Variants in RSRC2 observed in about 807,000 individuals in gnomAD.
RSRC2 encodes arginine and serine rich coiled-coil 2.
RSRC2 carries 5 observed loss-of-function variants against 61.3 expected under a neutral mutation model. That is an observed-to-expected ratio of 0.08 (90% confidence interval 0.04 to 0.17). The LOEUF is 0.17. RSRC2 is among the 10% of genes least tolerant of loss of function. RSRC2 has a pLI of 1.00. For missense variants in RSRC2, 381 were observed against 518.8 expected, an observed-to-expected ratio of 0.73 and a Z score of 2.58; for synonymous variants, 202 against 166.5, an observed-to-expected ratio of 1.21 and a Z score of -1.64.
At chr12:122,526,735 G>A in intron 1 of RSRC2, 113 bp downstream of exon 1, 2 of 1,235,386 alleles carry the variant, frequency 1.6e-6, no homozygotes, top group South Asian at 1.2e-5. Flanking sequence ...AGAAGGCCGC[G>A]GCGCCATTTT....
chr12:122,524,930 A>G (rs77590869), intron 1 of RSRC2, among the ~76,000 whole-genome samples: 4,824 of 152,248 alleles, frequency 0.032, 269 homozygotes, highest in African/African-American at 0.11. Context: ...ATTTTGTTGC[A>G]AACTCTAATA....
chr12:122,506,997 T>C, intron 8 of RSRC2, 74 bp from the exon 9 acceptor site: 1 of 801,114 alleles, frequency 1.2e-6, no homozygotes, highest in South Asian at 1.5e-5. Context: ...CTCAACAATG[T>C]CTAAATTAAA....
At chr12:122,515,441 A>G (rs1565897124) in intron 5 of RSRC2, among the ~76,000 whole-genome samples, 1 of 152,174 alleles carries the variant, frequency 6.6e-6, no homozygotes, top group African/African-American at 2.4e-5. Context: ...GGGTCTCACC[A>G]TGTTGCCCAG....
At chr12:122,517,658 A>G (rs1211259647) in intron 4 of RSRC2, among the ~76,000 whole-genome samples, 1 of 152,190 alleles carries the variant, frequency 6.6e-6, no homozygotes, top group Non-Finnish European at 1.5e-5. Flanking sequence ...ACATGTCAAA[A>G]GCGTTCAATG....
intron 8 of RSRC2, among the ~76,000 whole-genome samples, chr12:122,507,701 T>C (rs535280048): frequency 2.7e-5 from 4 of 146,824 alleles, no homozygotes; most frequent in African/African-American, 1.0e-4. Context: ...TCACCCAGGC[T>C]GAAGTGCAGT....
At chr12:122,513,823 T>C in intron 6 of RSRC2, 1 of 985,318 alleles carries the variant, frequency 1.0e-6, no homozygotes, top group Non-Finnish European at 1.2e-6. Context: ...GGGAAGCACA[T>C]CAGGTTACAC....
intron 6 of RSRC2, chr12:122,514,575 G>GA (rs1958770323): frequency 1.0e-6 from 1 of 992,818 alleles, no homozygotes; most frequent in African/African-American, 2.4e-5. Flanking sequence ...CGAAACAGCA[G>GA]AAAATTAAAA....
Position 122,504,685 on chromosome 12 carries a change from A to C in RSRC2, c.*842T>G, listed in dbSNP as rs996730484. On this transcript the variant is annotated 3_prime_UTR_variant, in exon 10 of 10. Coordinates refer to ENST00000331738, the MANE Select transcript of RSRC2 (RefSeq NM_023012.6). ...TAATATTTTATAGTCTATGCTGGAG[A>C]AGACTTCAAAGGGATAATGAGCAAA... The C allele has an allele frequency of 1.3e-4, 20 of 152,620 alleles. No homozygotes were observed. Among genetic ancestry groups the C allele is most frequent in the African/African-American group, 4.6e-4 (19 of 41,444 alleles). 9.5% of individuals were successfully genotyped at this position (152,620 alleles called of 1,614,324 possible).
intron 1 of RSRC2, 49 bp from the exon 2 acceptor site, chr12:122,522,348 G>A: frequency 6.7e-7 from 1 of 1,492,662 alleles, no homozygotes; most frequent in Non-Finnish European, 9.0e-7. Flanking sequence ...CATTTTAAAT[G>A]TTTTCAATTT....
intron 6 of RSRC2, among the ~76,000 whole-genome samples, chr12:122,513,571 G>A (rs139979195): frequency 6.6e-6 from 1 of 151,936 alleles, no homozygotes. Context: ...AAGTAAATAA[G>A]AGCTTAAAAA....
chr12:122,524,808 T>C (rs1959819288), intron 1 of RSRC2, among the ~76,000 whole-genome samples: 1 of 152,242 alleles, frequency 6.6e-6, no homozygotes, highest in South Asian at 2.1e-4. Context: ...TGAAATTTTC[T>C]AAGCTTTAAT....
chr12:122,525,176 C>G (rs1203263891), intron 1 of RSRC2, among the ~76,000 whole-genome samples: 1 of 152,050 alleles, frequency 6.6e-6, no homozygotes, highest in African/African-American at 2.4e-5. Flanking sequence ...GAGTTCGAGA[C>G]CAGCCTGGCC....
rs950835845 is a variant in RSRC2, at chr12:122,504,649, T to C, written c.*878A>G. ...TCTCAAAAAAACAAACAAAAAAAAT[T>C]TCTAATATTTTAATATTTTATAGTC... is the stretch of plus-strand genomic sequence containing the variant. On this transcript the variant is annotated 3_prime_UTR_variant, in exon 10 of 10. Coordinates refer to ENST00000331738, the MANE Select transcript of RSRC2 (RefSeq NM_023012.6). 2.0e-5 allele frequency: 3 copies of C among 152,500 alleles called. No homozygotes were observed. The highest frequency in any genetic ancestry group is 7.2e-5 in the African/African-American group (3 of 41,418). The allele number at this position is 152,500 out of a possible 1,614,324, so 9.4% of individuals were successfully genotyped here. A position where few individuals can be genotyped will look rare whatever the true frequency, so the allele number is the denominator to read the frequency against.
intron 3 of RSRC2, 175 bp downstream of exon 3, chr12:122,521,210 T>C (rs1959198221): frequency 2.0e-6 from 1 of 490,436 alleles, no homozygotes; most frequent in Non-Finnish European, 3.7e-6. Flanking sequence ...ACTTTTCACA[T>C]AAACATCTTC....
At chr12:122,512,283 C>T (rs376480516) in intron 6 of RSRC2, among the ~76,000 whole-genome samples, 4 of 152,336 alleles carry the variant, frequency 2.6e-5, no homozygotes, top group African/African-American at 9.6e-5. Flanking sequence ...CTCTTTTCTT[C>T]CTAAGGATTC....
At chr12:122,513,856 T>C (rs1958708569) in intron 6 of RSRC2, 7 of 974,684 alleles carry the variant, frequency 7.2e-6, no homozygotes, top group Admixed American at 1.2e-4. Context: ...CTGGGCAACA[T>C]AGGGAGACCC....
intron 3 of RSRC2, chr12:122,520,535 T>A (rs766379699): frequency 7.3e-7 from 1 of 1,367,612 alleles, no homozygotes. Context: ...TATTTTGCTA[T>A]CTGAGTCTGC....
At chr12:122,515,257 T>C (rs2137487832) in intron 5 of RSRC2, 30 bp from the exon 6 acceptor site, 1 of 1,603,050 alleles carries the variant, frequency 6.2e-7, no homozygotes, top group Non-Finnish European at 8.5e-7. Flanking sequence ...ATATGTCAAA[T>C]TATGGCCAAG....
intron 1 of RSRC2, 102 bp from the exon 2 acceptor site, chr12:122,522,401 C>T: frequency 9.1e-7 from 1 of 1,103,266 alleles, no homozygotes; most frequent in Non-Finnish European, 1.3e-6. Flanking sequence ...CCCCCACAAT[C>T]AATAAATCAG....
Sources: gnomAD v4.1 joint callset for allele counts (sites outside exome capture counted in the v4.1 genomes callset) on GRCh38, gnomAD v4.1.1 for gene constraint, MANE v1.5 for transcripts, NCBI Gene and HGNC (gene_info 2026-07-23, HGNC 2026-07-21) for gene names.